The following SNX30 variants were observed in gnomAD, a reference collection of about 807,000 sequenced individuals.
SNX30 encodes the protein sorting nexin-30.
SNX30 carries 24 observed loss-of-function variants against 46.4 expected under a neutral mutation model. The observed-to-expected ratio is 0.52, with a 90% CI of 0.37 to 0.73. The LOEUF (loss-of-function observed/expected upper bound fraction) is 0.73. Among genes scored for constraint, SNX30 ranks in the 30% least tolerant of loss-of-function variants. The pLI, the probability that SNX30 is intolerant of heterozygous loss-of-function variation, is 0.00. For synonymous variants in SNX30, 189 were observed against 211.5 expected, an observed-to-expected ratio of 0.89 and a Z score of 0.92; for missense variants, 533 against 555.7, an observed-to-expected ratio of 0.96 and a Z score of 0.41.
intron 2 of SNX30, among the ~76,000 whole-genome samples, chr9:112,812,787 T>A (rs574087021): frequency 3.3e-5 from 5 of 152,356 alleles, no homozygotes; most frequent in East Asian, 1.9e-4. Flanking sequence ...CTAAATTTTT[T>A]AATATCCAGA....
intron 6 of SNX30, among the ~76,000 whole-genome samples, chr9:112,846,093 A>G (rs980562430): frequency 2.6e-5 from 4 of 152,210 alleles, no homozygotes; most frequent in South Asian, 4.1e-4. Context: ...GAGTTAGAAG[A>G]AAAAGTTAAG....
intron 1 of SNX30, among the ~76,000 whole-genome samples, chr9:112,786,062 C>T (rs1189500898): frequency 6.6e-6 from 1 of 151,938 alleles, no homozygotes; most frequent in Non-Finnish European, 1.5e-5. Flanking sequence ...CCCCAAGCCT[C>T]TCCATACAGA....
chr9:112,839,378 A>C (rs1351550961), intron 6 of SNX30, among the ~76,000 whole-genome samples: 1 of 152,240 alleles, frequency 6.6e-6, no homozygotes, highest in African/African-American at 2.4e-5. Flanking sequence ...ACGAATTTGA[A>C]AGCTTTTTAA....
In SNX30 at chr9:112,868,858, A is replaced by G. The variant is rs758137558; in HGVS notation, c.*15A>G. The G allele has an allele frequency of 1.9e-6, 3 of 1,613,666 alleles. No individual in the cohort carries two copies. Among genetic ancestry groups the G allele is most frequent in the Non-Finnish European group, 8.5e-7 (1 of 1,179,616 alleles). The stretch of plus-strand genomic sequence containing the variant: ...AGGCCAAGTAAAGTTCTTTCTTGGG[A>G]CGGAGACTCTTCTACCTACACAGGG... On this transcript the variant is annotated 3_prime_UTR_variant, in exon 9 of 9. Transcript: ENST00000374232.
chr9:112,836,428 TC>T lies in SNX30; in HGVS notation c.814+20del. ...GAAATAGGTGAGCTGTCTGTTGAGG[TC>T]TCGATTATGCCCTGCAGCCACATTG... On this transcript the variant is annotated intron_variant, in intron 5 of 8. Coordinates refer to ENST00000374232, the MANE Select transcript of SNX30 (RefSeq NM_001012994.2). 4 of 1,580,480 alleles carry T rather than the reference TC, an allele frequency of 2.5e-6. No homozygotes were observed. The highest frequency in any genetic ancestry group is 3.5e-6 in the Non-Finnish European group (4 of 1,152,846).
chr9:112,829,824 C>T (rs190155318), intron 3 of SNX30, among the ~76,000 whole-genome samples: 5 of 151,802 alleles, frequency 3.3e-5, no homozygotes, highest in East Asian at 3.9e-4. Context: ...TATGAAATGG[C>T]GTATCATGAT....
At chr9:112,766,034 C>T (rs533068515) in intron 1 of SNX30, among the ~76,000 whole-genome samples, 1 of 152,252 alleles carries the variant, frequency 6.6e-6, no homozygotes, top group Admixed American at 6.5e-5. Flanking sequence ...GATCTCCTGA[C>T]CTCGTAATCC....
chr9:112,797,853 C>G (rs1840135508), intron 1 of SNX30, among the ~76,000 whole-genome samples: 1 of 147,768 alleles, frequency 6.8e-6, no homozygotes, highest in South Asian at 2.2e-4. Flanking sequence ...CGCACGCCAC[C>G]GTGCCCAGCT....
chr9:112,814,474 C>T lies in SNX30; in HGVS notation c.349-3231C>T, dbSNP rs1840367108. Among the ~76,000 whole-genome samples, 3 of 152,258 alleles carry T rather than the reference C, an allele frequency of 2.0e-5. 1 individual carries two copies. The South Asian group carries it at 6.2e-4, about 32-fold the overall frequency. ...CAGGCTGGTCTTGAACTCCTGGACT[C>T]AAGCTATCTGCCTGCCTCGGCCTCC... is the stretch of plus-strand genomic sequence containing the variant. On this transcript the variant is annotated intron_variant, in intron 2 of 8. Coordinates refer to ENST00000374232, the MANE Select transcript of SNX30 (RefSeq NM_001012994.2).
intron 7 of SNX30, among the ~76,000 whole-genome samples, chr9:112,856,237 A>G (rs905753509): frequency 6.8e-6 from 1 of 147,930 alleles, no homozygotes; most frequent in South Asian, 2.2e-4. Flanking sequence ...AAGAAGTTTA[A>G]ATGGGTGGTG....
intron 3 of SNX30, among the ~76,000 whole-genome samples, chr9:112,820,272 G>GGAGA (rs5900018): frequency 0.94 from 142,279 of 151,966 alleles, 66,679 homozygotes; most frequent in East Asian, 1. Flanking sequence ...TATCTGGAGT[G>GGAGA]GAGATTTAAT....
intron 1 of SNX30, among the ~76,000 whole-genome samples, chr9:112,753,764 T>C (rs148054843): frequency 6.6e-6 from 1 of 152,374 alleles, no homozygotes; most frequent in East Asian, 1.9e-4. Flanking sequence ...TGATTTATAG[T>C]AAGCCACTTT....
chr9:112,797,185 T>A (rs932888815), intron 1 of SNX30, among the ~76,000 whole-genome samples: 1 of 152,216 alleles, frequency 6.6e-6, no homozygotes, highest in Admixed American at 6.5e-5. Flanking sequence ...TTCACAGCCA[T>A]TTTTTGAATA....
At chr9:112,861,371 A>G (rs1234584470) in intron 7 of SNX30, among the ~76,000 whole-genome samples, 3 of 152,206 alleles carry the variant, frequency 2.0e-5, no homozygotes, top group Non-Finnish European at 4.4e-5. Context: ...AGGACGCTGT[A>G]AAGCACTTAA....
At chr9:112,792,163 T>C (rs1031105537) in intron 1 of SNX30, among the ~76,000 whole-genome samples, 10 of 152,232 alleles carry the variant, frequency 6.6e-5, no homozygotes, top group Non-Finnish European at 1.3e-4. Context: ...GGTTCATGAG[T>C]GCTCACTGTG....
At chr9:112,883,131 G>C (rs1225007077), downstream of SNX30, among the ~76,000 whole-genome samples, 1 of 152,328 alleles carries the variant, frequency 6.6e-6, no homozygotes, top group South Asian at 2.1e-4. Context: ...GAGTTGAGCA[G>C]GGGGAACCAA....
intron 1 of SNX30, among the ~76,000 whole-genome samples, chr9:112,770,779 C>A (rs917065797): frequency 8.5e-5 from 13 of 152,072 alleles, no homozygotes; most frequent in African/African-American, 3.1e-4. Context: ...AGGCGGATCA[C>A]GAGGTCAAGA....
intron 6 of SNX30, among the ~76,000 whole-genome samples, chr9:112,839,323 A>G (rs1252816505): frequency 3.3e-5 from 5 of 152,256 alleles, no homozygotes; most frequent in Non-Finnish European, 5.9e-5. Flanking sequence ...TGAAAAGATC[A>G]CCAGCCCAAA....
intron 3 of SNX30, among the ~76,000 whole-genome samples, chr9:112,824,881 G>A (rs1840558419): frequency 1.3e-5 from 2 of 152,074 alleles, no homozygotes; most frequent in African/African-American, 4.8e-5. Context: ...TACATTCACG[G>A]TGTTGTACGA....
Sources: gnomAD v4.1 joint callset for allele counts (sites outside exome capture counted in the v4.1 genomes callset) on GRCh38, gnomAD v4.1.1 for gene constraint, MANE v1.5 for transcripts, NCBI Gene and HGNC (gene_info 2026-07-23, HGNC 2026-07-21) for gene names.